The following SLC44A2 variants were observed in gnomAD, a reference collection of about 807,000 sequenced individuals.
SLC44A2 encodes choline transporter-like protein 2.
A neutral mutation model predicts 90.8 loss-of-function variants in SLC44A2; 57 were observed. That is an observed-to-expected ratio of 0.63 (90% CI 0.51 to 0.78). The LOEUF is 0.78. Ranked by LOEUF, SLC44A2 falls within the 30% of genes least tolerant of loss-of-function variation. SLC44A2 has a pLI of 0.00. For synonymous variants in SLC44A2, 355 were observed against 360.7 expected, an observed-to-expected ratio of 0.98 and a Z score of 0.18; for missense variants, 794 against 919.7, an observed-to-expected ratio of 0.86 and a Z score of 1.77.
chr19:10,610,109 G>A (rs776694267), intron 1 of SLC44A2, among the ~76,000 whole-genome samples: 11 of 150,494 alleles, frequency 7.3e-5, no homozygotes, highest in Non-Finnish European at 1.6e-4. Context: ...CCTGGCTAAT[G>A]TTACTTATAT....
chr19:10,643,131 C>T, intron 21 of SLC44A2, 148 bp from the exon 22 acceptor site: 1 of 1,452,308 alleles, frequency 6.9e-7, no homozygotes, highest in East Asian at 2.5e-5. Context: ...CCCTCGGAGC[C>T]CACTACAGTC....
intron 1 of SLC44A2, among the ~76,000 whole-genome samples, chr19:10,607,217 G>C (rs945479990): frequency 1.3e-5 from 2 of 151,910 alleles, no homozygotes; most frequent in African/African-American, 4.8e-5. Context: ...CCGGCCTCTT[G>C]GGGCTATTTT....
At position 10,610,919 on chromosome 19, in the gene SLC44A2, T is replaced by C. The variant is rs1304009052; in HGVS notation, c.31+8358T>C. 4.8e-4 allele frequency among the ~76,000 whole-genome samples: 71 copies of C among 148,598 alleles called. No homozygotes were observed. In the Middle Eastern group the frequency reaches 0.015, roughly 31 times the overall value. On this transcript the variant is annotated intron_variant, in intron 1 of 21. Transcript: ENST00000407327. The stretch of plus-strand genomic sequence containing the variant: ...CCTCCCAAAGTGCTGGGATTACAGT[T>C]GTGAGCCACCGCGCCCCGCCAAGAC...
At position 10,636,457 on chromosome 19, in the gene SLC44A2, G is replaced by A; in HGVS notation, c.1368G>A (p.Leu456=). 1 of 1,613,868 alleles carries A rather than the reference G, an allele frequency of 6.2e-7. No homozygotes were observed. Among genetic ancestry groups the A allele is most frequent in the Non-Finnish European group, 8.5e-7 (1 of 1,180,030 alleles). The part of the protein sequence containing the change: ...QIFNAFMFFW[L]ANFVLALGQV... The stretch of plus-strand genomic sequence containing the variant: ...TCAATGCCTTCATGTTCTTCTGGTT[G>A]GCCAACTTCGTGCTGGCGCTGGGCC... The change falls in exon 15 of 22, where the codon TTG becomes TTA. Residue 456 remains leucine (L), a synonymous_variant. Coordinates refer to ENST00000335757, the MANE Select transcript of SLC44A2 (RefSeq NM_020428.4).
chr19:10,641,462 G>C (rs1568456609), intron 20 of SLC44A2: 1 of 432,562 alleles, frequency 2.3e-6, no homozygotes, highest in Non-Finnish European at 4.5e-6. Flanking sequence ...GGTGGGACTT[G>C]AGGACTTGCT....
intron 14 of SLC44A2, 51 bp downstream of exon 14, chr19:10,635,566 A>G: frequency 6.6e-7 from 1 of 1,516,016 alleles, no homozygotes. Flanking sequence ...CAGGCCCCAG[A>G]TGATTTGAAA....
chr19:10,602,516 C>T (rs1265681900), exon 1 of SLC44A2: 11 of 1,270,284 alleles, frequency 8.7e-6, no homozygotes, highest in Non-Finnish European at 1.1e-5. Context: ...CTCCGCTCCC[C>T]GCCCCGCCGC....
intron 1 of SLC44A2, among the ~76,000 whole-genome samples, chr19:10,617,517 T>C (rs1407551696): frequency 6.6e-6 from 1 of 152,154 alleles, no homozygotes; most frequent in Non-Finnish European, 1.5e-5. Flanking sequence ...CAGCTAGGCA[T>C]GTCCCAGCTT....
rs1424567762 is a variant in SLC44A2 at position 10,628,655 on chromosome 19, A to T, written c.245+651A>T. Among the ~76,000 whole-genome samples the T allele has an allele frequency of 5.9e-5, 9 of 152,198 alleles. No homozygotes were observed. The East Asian group carries it at 1.5e-3, about 26-fold the overall frequency. On this transcript the variant is annotated intron_variant, in intron 4 of 21. Transcript: ENST00000335757. ...CACAGCTCTAAATGAGATAGTAAGCATCCTGTTCTCTGGCAGCACACATTT... is the reference window on the plus strand; with the variant it reads ...CACAGCTCTAAATGAGATAGTAAGCTTCCTGTTCTCTGGCAGCACACATTT...
At chr19:10,627,376 A>G (rs2066944837) in intron 2 of SLC44A2, among the ~76,000 whole-genome samples, 1 of 151,674 alleles carries the variant, frequency 6.6e-6, no homozygotes, top group Non-Finnish European at 1.5e-5. Flanking sequence ...TCTCTACAGA[A>G]TGTATATAAA....
chr19:10,633,061 T>C (rs529227751), intron 10 of SLC44A2, among the ~76,000 whole-genome samples: 51 of 152,212 alleles, frequency 3.4e-4, no homozygotes, highest in Middle Eastern at 6.8e-3. Flanking sequence ...AGATAAAATA[T>C]GGGTAGGGGC....
intron 20 of SLC44A2, among the ~76,000 whole-genome samples, chr19:10,639,225 C>T (rs980581915): frequency 6.6e-5 from 10 of 152,194 alleles, no homozygotes; most frequent in South Asian, 2.1e-4. Flanking sequence ...TGACCCACCA[C>T]GCCCGACCTC....
intron 1 of SLC44A2, among the ~76,000 whole-genome samples, chr19:10,611,351 C>T (rs1000486787): frequency 1.1e-4 from 17 of 152,176 alleles, no homozygotes; most frequent in African/African-American, 3.9e-4. Flanking sequence ...ACTCAGGGGG[C>T]TGAGGCAGGA....
chr19:10,625,793 G>A, intron 1 of SLC44A2, 123 bp downstream of exon 1: 1 of 863,332 alleles, frequency 1.2e-6, no homozygotes, highest in Non-Finnish European at 1.5e-6. Context: ...ATCTGCGCCT[G>A]GAGCCTCCCC....
intron 4 of SLC44A2, 59 bp from the exon 5 acceptor site, chr19:10,630,998 T>A (rs2066987904): frequency 6.1e-6 from 8 of 1,310,094 alleles, no homozygotes; most frequent in Admixed American, 2.0e-5. Context: ...AGAGCGAGAC[T>A]CTGTCTCAAA....
intron 10 of SLC44A2, 33 bp downstream of exon 10, chr19:10,632,189 C>T (rs1250449833): frequency 1.3e-6 from 2 of 1,564,928 alleles, no homozygotes; most frequent in East Asian, 2.2e-5. Flanking sequence ...CTTCTCTTTC[C>T]TGAATCCGCA....
chr19:10,632,218 C>T (rs957514808), intron 10 of SLC44A2, 62 bp downstream of exon 10: 63 of 1,449,368 alleles, frequency 4.3e-5, no homozygotes, highest in African/African-American at 7.0e-5. Context: ...TGCCCTTTCC[C>T]GTGGAAATGG....
chr19:10,613,193 G>A (rs1411568058), intron 1 of SLC44A2, among the ~76,000 whole-genome samples: 1 of 151,818 alleles, frequency 6.6e-6, no homozygotes, highest in African/African-American at 2.4e-5. Context: ...GAGTAGCTGG[G>A]ACCACAGGCA....
intron 1 of SLC44A2, among the ~76,000 whole-genome samples, chr19:10,617,886 C>G (rs1000612786): frequency 8.5e-5 from 13 of 152,218 alleles, no homozygotes; most frequent in African/African-American, 3.1e-4. Flanking sequence ...ACTCCCTTGT[C>G]TCTCTGCCTT....
Sources: allele counts gnomAD v4.1 joint callset (sites outside exome capture counted in the v4.1 genomes callset), GRCh38; gene constraint gnomAD v4.1.1; transcripts MANE v1.5; gene names NCBI Gene and HGNC (gene_info 2026-07-23, HGNC 2026-07-21).